The following RBL2 variants were observed in gnomAD, a reference collection of about 807,000 sequenced individuals.
RBL2 encodes retinoblastoma-like protein 2.
In RBL2, 56 loss-of-function variants were observed where a neutral mutation model predicts 126.0. The ratio of observed to expected loss-of-function variants is 0.44; its 90% CI spans 0.36 to 0.56. RBL2 has a LOEUF of 0.56. Among genes scored for constraint, RBL2 ranks in the 20% least tolerant of loss-of-function variants. The pLI is 0.00. For synonymous variants in RBL2, 454 were observed against 478.5 expected, an observed-to-expected ratio of 0.95 and a Z score of 0.67; for missense variants, 1,229 against 1,398.2, an observed-to-expected ratio of 0.88 and a Z score of 1.93.
intron 11 of RBL2, among the ~76,000 whole-genome samples, chr16:53,463,121 G>A (rs936694705): frequency 2.6e-5 from 4 of 152,248 alleles, no homozygotes; most frequent in African/African-American, 9.6e-5. Context: ...GATTACAGGC[G>A]TGAGCCACCG....
At position 53,459,443 on chromosome 16, in the gene RBL2, T is replaced by G; in HGVS notation, c.1180-8T>G. 1 of 1,605,948 alleles carries G rather than the reference T, an allele frequency of 6.2e-7. No individual in the cohort carries two copies. The highest frequency in any genetic ancestry group is 8.5e-7 in the Non-Finnish European group (1 of 1,175,828). ...TTATTAATTCTGTGTAATTTTTTTTTTCTTTAGTCCAAAGCACTTAGAATC... is the reference window on the plus strand; with the variant it reads ...TTATTAATTCTGTGTAATTTTTTTTGTCTTTAGTCCAAAGCACTTAGAATC... On this transcript the variant is annotated splice_region_variant and splice_polypyrimidine_tract_variant and intron_variant, in intron 8 of 21. Coordinates refer to ENST00000262133, the MANE Select transcript of RBL2 (RefSeq NM_005611.4).
Position 53,470,128 on chromosome 16 carries a change from A to G in RBL2, c.2188A>G (p.Met730Val), listed in dbSNP as rs761694718. Residue 730 changes from methionine (M) to valine (V), a missense_variant, in exon 15 of 22, where the codon ATG becomes GTG. Physicochemically the swap from Met to Val is conservative, Grantham distance 21. This residue lies in a region of RBL2 where 1,070 missense variants were observed against 1,274.3 expected (regional missense o/e 0.84). Transcript: ENST00000262133. Reference sequence around the variant, plus strand: ...AGTTCCTGGACAGACTTTGGTCACCATGGCAACCGCCACTGTCACAGCCAA... The same window carrying G: ...AGTTCCTGGACAGACTTTGGTCACCGTGGCAACCGCCACTGTCACAGCCAA... ...TPVPGQTLVT[M>V]ATATVTANNG... is the part of the protein sequence containing the mutation. 6.2e-6 allele frequency: 10 copies of G among 1,611,268 alleles called. No homozygotes were observed. Among genetic ancestry groups the G allele is most frequent in the Non-Finnish European group, 7.6e-6 (9 of 1,177,744 alleles).
chr16:53,466,980 C>T, intron 13 of RBL2, 78 bp from the exon 14 acceptor site: 1 of 890,674 alleles, frequency 1.1e-6, no homozygotes, highest in Non-Finnish European at 1.7e-6. Flanking sequence ...GATACTTTTT[C>T]TGCCTTAGAT....
intron 4 of RBL2, among the ~76,000 whole-genome samples, chr16:53,448,223 T>G (rs1209420852): frequency 1.3e-5 from 2 of 151,938 alleles, no homozygotes; most frequent in African/African-American, 4.8e-5. Context: ...AGTGGTGCGA[T>G]CTCGGCCCAC....
At chr16:53,485,636 C>T (rs1961136112) in intron 21 of RBL2, among the ~76,000 whole-genome samples, 1 of 151,234 alleles carries the variant, frequency 6.6e-6, no homozygotes, top group African/African-American at 2.4e-5. Context: ...GGGTGGACTG[C>T]CTGAGCTCAG....
chr16:53,451,924 G>A (rs910690102), intron 5 of RBL2, 93 bp downstream of exon 5: 1 of 1,410,486 alleles, frequency 7.1e-7, no homozygotes, highest in Admixed American at 1.8e-5. Context: ...TCAGTATTTT[G>A]AAGAGCTCCT....
intron 3 of RBL2, among the ~76,000 whole-genome samples, chr16:53,444,579 T>A (rs1010405988): frequency 1.4e-5 from 2 of 147,044 alleles, no homozygotes; most frequent in Non-Finnish European, 3.0e-5. Flanking sequence ...AATAAATAAA[T>A]AAAATGACAT....
intron 21 of RBL2, among the ~76,000 whole-genome samples, chr16:53,483,143 G>A (rs952271400): frequency 6.6e-6 from 1 of 152,190 alleles, no homozygotes; most frequent in African/African-American, 2.4e-5. Context: ...TTTCAAACGG[G>A]TTGGTTGCAA....
At position 53,447,100 on chromosome 16, in the gene RBL2, G is replaced by T. The variant is rs756170685; in HGVS notation, c.631G>T (p.Ala211Ser). ...TTTTTGTTGGGTGCTTTTTATATAT[G>T]CAAAAGGTAAGAAAATAGTAATATT... ...FHFCWVLFIYAKGNFPMISDD... is the reference protein window; with the variant it reads ...FHFCWVLFIYSKGNFPMISDD... Residue 211 changes from alanine to serine, a missense_variant, in exon 4 of 22, where the codon GCA becomes TCA. This residue lies in a region of RBL2 where 1,070 missense variants were observed against 1,274.3 expected (regional missense o/e 0.84). Transcript: ENST00000262133. 2 of 1,511,510 alleles carry T rather than the reference G, an allele frequency of 1.3e-6. No homozygotes were observed. Among genetic ancestry groups the T allele is most frequent in the Non-Finnish European group, 1.8e-6 (2 of 1,096,354 alleles). 93.6% of individuals were successfully genotyped at this position (1,511,510 alleles called of 1,614,324 possible).
At chr16:53,489,781 GAT>G (rs1171327651) in intron 21 of RBL2, 1 of 170,278 alleles carries the variant, frequency 5.9e-6, no homozygotes, top group African/African-American at 2.4e-5. Context: ...AAGAGAAAAA[GAT>G]GTGTCTAAGT....
intron 17 of RBL2, among the ~76,000 whole-genome samples, chr16:53,478,576 G>A (rs8062535): frequency 0.53 from 70,191 of 132,632 alleles, 18,067 homozygotes; most frequent in African/African-American, 0.65. Flanking sequence ...GTTCAAATCT[G>A]TTTTCCCTAG....
At chr16:53,457,010 C>T (rs1014362782) in intron 8 of RBL2, among the ~76,000 whole-genome samples, 1 of 151,974 alleles carries the variant, frequency 6.6e-6, no homozygotes, top group Non-Finnish European at 1.5e-5. Flanking sequence ...TTGTATGCAG[C>T]GCTTGGCACA....
At chr16:53,472,220 A>G (rs1243895989) in intron 17 of RBL2, among the ~76,000 whole-genome samples, 2 of 152,168 alleles carry the variant, frequency 1.3e-5, no homozygotes, top group African/African-American at 4.8e-5. Flanking sequence ...CACTGTTGTG[A>G]ACAGGTATAT....
At chr16:53,459,273 T>G (rs1026196328) in intron 8 of RBL2, among the ~76,000 whole-genome samples, 178 bp from the exon 9 acceptor site, 2 of 152,224 alleles carry the variant, frequency 1.3e-5, no homozygotes, top group African/African-American at 4.8e-5. Context: ...CTCTTAATGC[T>G]GTTATGTTTA....
chr16:53,462,742 T>C (rs2058235088), intron 11 of RBL2, 87 bp downstream of exon 11: 1 of 809,458 alleles, frequency 1.2e-6, no homozygotes, highest in Non-Finnish European at 1.9e-6. Flanking sequence ...TTTTACTTTA[T>C]ATATAGTCTC....
At chr16:53,449,441 C>G (rs2058092259) in intron 4 of RBL2, 1 of 151,566 alleles carries the variant, frequency 6.6e-6, no homozygotes, top group South Asian at 2.1e-4. Flanking sequence ...CCTTAAGAAC[C>G]TTTGTGGATT....
chr16:53,458,836 C>T (rs943046912), intron 8 of RBL2, among the ~76,000 whole-genome samples: 4 of 152,260 alleles, frequency 2.6e-5, no homozygotes, highest in East Asian at 1.9e-4. Flanking sequence ...AAGAATAGAA[C>T]GGGAAAGACT....
rs1340283399 is a variant in RBL2 at position 53,472,642 on chromosome 16, C to T, written c.2703+1720C>T. ...TCTTTATTTTGGATACAACTACCTTCTCAGATGTATGATTTGCAAATATTT... is the reference window on the plus strand; with the variant it reads ...TCTTTATTTTGGATACAACTACCTTTTCAGATGTATGATTTGCAAATATTT... On this transcript the variant is annotated intron_variant, in intron 17 of 21. Transcript: ENST00000262133. Among the ~76,000 whole-genome samples, 6 of 152,166 alleles carry T rather than the reference C, an allele frequency of 3.9e-5. No individual in the cohort carries two copies. In the East Asian group the frequency reaches 1.2e-3, roughly 29 times the overall value.
chr16:53,455,602 T>G (rs1342485342), intron 8 of RBL2, among the ~76,000 whole-genome samples: 1 of 152,020 alleles, frequency 6.6e-6, no homozygotes, highest in Non-Finnish European at 1.5e-5. Context: ...ATATAGTATG[T>G]TGGGTGATGA....
Sources: allele counts gnomAD v4.1 joint callset (sites outside exome capture counted in the v4.1 genomes callset), GRCh38; gene constraint gnomAD v4.1.1; regional missense constraint gnomAD v4.1.1; transcripts MANE v1.5; gene names NCBI Gene and HGNC (gene_info 2026-07-23, HGNC 2026-07-21).